ADAMTS6: variants seen among roughly 807,000 people sequenced by gnomAD.
ADAMTS6 encodes the protein ADAM metallopeptidase with thrombospondin type 1 motif 6.
ADAMTS6 carries 23 observed loss-of-function variants against 144.3 expected under a neutral mutation model. That is an observed-to-expected ratio of 0.16 (90% CI 0.11 to 0.23). ADAMTS6 has a LOEUF of 0.23. Ranked by LOEUF, ADAMTS6 falls within the 10% of genes least tolerant of loss-of-function variation. ADAMTS6 has a pLI of 1.00. For synonymous variants in ADAMTS6, 444 were observed against 457.5 expected, an observed-to-expected ratio of 0.97 and a Z score of 0.38; for missense variants, 999 against 1,379.6, an observed-to-expected ratio of 0.72 and a Z score of 4.37.
Position 65,252,043 on chromosome 5 carries a change from C to T in ADAMTS6, c.1830+8557G>A, listed in dbSNP as rs546864889. The stretch of plus-strand genomic sequence containing the variant: ...TTGTGCTTGCTACTTTTTAAGACTA[C>T]TTGGCCTATGTTGACTCTAGGTCCT... On this transcript the variant is annotated intron_variant, in intron 14 of 24. Transcript: ENST00000381055. Among the ~76,000 whole-genome samples, 7 of 152,276 alleles carry T rather than the reference C, an allele frequency of 4.6e-5. No homozygotes were observed. The East Asian group carries it at 1.4e-3, about 29-fold the overall frequency.
At chr5:65,327,877 G>A (rs1746320491) in intron 9 of ADAMTS6, among the ~76,000 whole-genome samples, 1 of 152,166 alleles carries the variant, frequency 6.6e-6, no homozygotes, top group African/African-American at 2.4e-5. Flanking sequence ...TTCACCCACT[G>A]TATGTTACTT....
intron 7 of ADAMTS6, among the ~76,000 whole-genome samples, chr5:65,378,564 T>G (rs1751759242): frequency 6.6e-6 from 1 of 152,206 alleles, no homozygotes; most frequent in Non-Finnish European, 1.5e-5. Flanking sequence ...CAGTTTCATT[T>G]TTGCCCCCCT....
At chr5:65,346,476 C>T (rs72760550) in intron 7 of ADAMTS6, among the ~76,000 whole-genome samples, 7,146 of 151,666 alleles carry the variant, frequency 0.047, 213 homozygotes, top group East Asian at 0.11. Flanking sequence ...AGAAATGTAT[C>T]TCAACACAGT....
intron 9 of ADAMTS6, among the ~76,000 whole-genome samples, chr5:65,316,132 G>A (rs1189468058): frequency 5.3e-5 from 8 of 152,004 alleles, no homozygotes; most frequent in African/African-American, 1.7e-4. Flanking sequence ...GGCTGGTTTC[G>A]AACTCCTGAG....
intron 7 of ADAMTS6, among the ~76,000 whole-genome samples, chr5:65,386,716 T>C (rs746253036): frequency 1.3e-5 from 2 of 151,684 alleles, no homozygotes; most frequent in African/African-American, 2.4e-5. Flanking sequence ...GCCCCAAGAG[T>C]AGCTGGAATT....
intron 9 of ADAMTS6, among the ~76,000 whole-genome samples, chr5:65,315,557 G>C (rs1307903631): frequency 6.6e-6 from 1 of 152,048 alleles, no homozygotes; most frequent in African/African-American, 2.4e-5. Flanking sequence ...AAGATTGTCA[G>C]AGTGGCGAAA....
chr5:65,401,519 C>G (rs564389812), intron 7 of ADAMTS6, among the ~76,000 whole-genome samples: 7 of 152,252 alleles, frequency 4.6e-5, no homozygotes, highest in Admixed American at 3.3e-4. Flanking sequence ...TAGTCAAGCT[C>G]CTACAGGTAC....
chr5:65,181,722 G>C (rs1754365267), intron 22 of ADAMTS6, among the ~76,000 whole-genome samples: 1 of 152,158 alleles, frequency 6.6e-6, no homozygotes, highest in African/African-American at 2.4e-5. Flanking sequence ...ATTATTGTAA[G>C]AATAAGTTGA....
intron 7 of ADAMTS6, among the ~76,000 whole-genome samples, chr5:65,440,352 A>T (rs1042861587): frequency 6.6e-6 from 1 of 152,204 alleles, no homozygotes; most frequent in African/African-American, 2.4e-5. Context: ...AAGGACAGTG[A>T]TCCCTGAGAA....
intron 24 of ADAMTS6, among the ~76,000 whole-genome samples, chr5:65,152,388 C>T (rs745995681): frequency 2.6e-5 from 4 of 152,164 alleles, no homozygotes; most frequent in South Asian, 4.1e-4. Context: ...CCAAAGTACA[C>T]GTCTCCAGAG....
chr5:65,243,282 CT>C (rs1322451416), intron 14 of ADAMTS6, among the ~76,000 whole-genome samples: 2 of 152,082 alleles, frequency 1.3e-5, no homozygotes, highest in Non-Finnish European at 2.9e-5. Flanking sequence ...TCCCTTAGAT[CT>C]CTGTGTTTGC....
intron 9 of ADAMTS6, among the ~76,000 whole-genome samples, chr5:65,320,792 C>T (rs1476558278): frequency 1.3e-5 from 2 of 152,060 alleles, no homozygotes; most frequent in African/African-American, 4.8e-5. Context: ...TAAATGAGAA[C>T]ATGTAGTATT....
chr5:65,369,900 T>C (rs1475665651), intron 7 of ADAMTS6, among the ~76,000 whole-genome samples: 1 of 152,158 alleles, frequency 6.6e-6, no homozygotes, highest in African/African-American at 2.4e-5. Context: ...GTCACTCAGA[T>C]TTCACAGCTG....
At position 65,456,380 on chromosome 5, in the gene ADAMTS6, A is replaced by G. The variant is rs150518247; in HGVS notation, c.632-3462T>C. 8.3e-4 allele frequency among the ~76,000 whole-genome samples: 127 copies of G among 152,338 alleles called. 1 individual carries two copies. In the East Asian group the frequency reaches 0.022, roughly 26 times the overall value. On this transcript the variant is annotated intron_variant, in intron 4 of 24. Transcript: ENST00000381055. ...ACACAATAACTTTTTCCCAAAATCAATATATGGATTTCATTGCCATCTGAA... is the reference window on the plus strand; with the variant it reads ...ACACAATAACTTTTTCCCAAAATCAGTATATGGATTTCATTGCCATCTGAA...
chr5:65,453,147 G>T (rs1029506481), intron 4 of ADAMTS6, among the ~76,000 whole-genome samples: 15 of 151,922 alleles, frequency 9.9e-5, no homozygotes, highest in African/African-American at 3.6e-4. Context: ...ACAAATCTAA[G>T]AAATGAATTA....
chr5:65,319,192 A>G (rs1315670492), intron 9 of ADAMTS6, among the ~76,000 whole-genome samples: 1 of 152,164 alleles, frequency 6.6e-6, no homozygotes, highest in Non-Finnish European at 1.5e-5. Flanking sequence ...AATACAGTAT[A>G]ATAAAATTTG....
At chr5:65,240,443 T>G (rs771445222) in intron 15 of ADAMTS6, among the ~76,000 whole-genome samples, 7 of 152,130 alleles carry the variant, frequency 4.6e-5, no homozygotes, top group Non-Finnish European at 8.8e-5. Flanking sequence ...AACTATTGAC[T>G]GCAAAGGACT....
Position 65,224,908 on chromosome 5 carries a change from C to G in ADAMTS6, c.2191+16G>C, listed in dbSNP as rs756074843. 2 of 1,604,744 alleles carry G rather than the reference C, an allele frequency of 1.2e-6. No homozygotes were observed. The highest frequency in any genetic ancestry group is 2.2e-5 in the South Asian group (2 of 89,100). Reference sequence around the variant, plus strand: ...TACACCAGAGGTGTGAGGAAGAGTTCTCTCTACATACTCACCTCCCCTGGG... The same window carrying G: ...TACACCAGAGGTGTGAGGAAGAGTTGTCTCTACATACTCACCTCCCCTGGG... On this transcript the variant is annotated intron_variant, in intron 17 of 24. Transcript: ENST00000381055.
chr5:65,445,830 TG>T (rs1167570722), intron 7 of ADAMTS6, among the ~76,000 whole-genome samples: 1 of 152,046 alleles, frequency 6.6e-6, no homozygotes, highest in Admixed American at 6.6e-5. Context: ...TAGATAATAG[TG>T]GGCAACAGAG....
Sources: allele counts gnomAD v4.1 joint callset (sites outside exome capture counted in the v4.1 genomes callset), GRCh38; gene constraint gnomAD v4.1.1; transcripts MANE v1.5; gene names NCBI Gene and HGNC (gene_info 2026-07-23, HGNC 2026-07-21).